Variants in DCP2 observed in about 807,000 individuals in gnomAD.
DCP2 encodes m7GpppN-mRNA hydrolase.
DCP2 carries 30 observed loss-of-function variants against 56.1 expected under a neutral mutation model. The ratio of observed to expected loss-of-function variants is 0.53; its 90% CI spans 0.40 to 0.73. DCP2 has a LOEUF of 0.73. Among genes scored for constraint, DCP2 ranks in the 30% least tolerant of loss-of-function variants. The pLI, the probability that DCP2 is intolerant of heterozygous loss-of-function variation, is 0.00. For missense variants in DCP2, 533 were observed against 502.7 expected, an observed-to-expected ratio of 1.06 and a Z score of -0.58; for synonymous variants, 197 against 163.3, an observed-to-expected ratio of 1.21 and a Z score of -1.57.
At position 112,982,137 on chromosome 5, in the gene DCP2, T is replaced by G. The variant is rs140138205; in HGVS notation, c.54-3698T>G. Among the ~76,000 whole-genome samples, 497 of 152,214 alleles carry G rather than the reference T, an allele frequency of 3.3e-3. 1 individual carries two copies. The highest frequency in any genetic ancestry group is 0.012 in the African/African-American group (485 of 41,498). On this transcript the variant is annotated intron_variant, in intron 1 of 10. Transcript: ENST00000389063. ...AGTTGGCTTTCTGTTCTAACTTTGG[T>G]GTTTTTGCTTCACATTTGGACTATG... is the stretch of plus-strand genomic sequence containing the variant.
rs186355252 is a variant in DCP2 at position 113,018,928 on chromosome 5, C to T, written c.*5444C>T. On this transcript the variant is annotated 3_prime_UTR_variant, in exon 11 of 11. Transcript: ENST00000389063. Reference sequence around the variant, plus strand: ...TGATGTTTGGGTCACCTGTGGACACCTGTGCTCTTTTGAGTCTCAAGGCTT... The same window carrying T: ...TGATGTTTGGGTCACCTGTGGACACTTGTGCTCTTTTGAGTCTCAAGGCTT... 2 of 152,284 alleles carry T rather than the reference C, an allele frequency of 1.3e-5. No individual in the cohort carries two copies. Among genetic ancestry groups the T allele is most frequent in the Admixed American group, 6.5e-5 (1 of 15,292 alleles). The allele number at this position is 152,284 out of a possible 1,614,324, so 9.4% of individuals were successfully genotyped here. A position where few individuals can be genotyped will look rare whatever the true frequency, so the allele number is the denominator to read the frequency against.
At chr5:113,010,683 A>G in intron 9 of DCP2, 73 bp from the exon 10 acceptor site, 1 of 1,394,446 alleles carries the variant, frequency 7.2e-7, no homozygotes. Flanking sequence ...ACATCTTTTG[A>G]TTTTTAATAA....
At chr5:113,000,179 A>G (rs576495789) in intron 4 of DCP2, among the ~76,000 whole-genome samples, 1 of 152,104 alleles carries the variant, frequency 6.6e-6, no homozygotes, top group African/African-American at 2.4e-5. Context: ...AATGGTCTCG[A>G]ACACCTGGGC....
chr5:112,980,915 G>A (rs979307316), intron 1 of DCP2, among the ~76,000 whole-genome samples: 2 of 151,620 alleles, frequency 1.3e-5, no homozygotes, highest in East Asian at 3.9e-4. Context: ...GTTCAATTTC[G>A]TAGATACTAG....
At chr5:112,987,742 G>T (rs1003730082) in intron 2 of DCP2, among the ~76,000 whole-genome samples, 2 of 149,606 alleles carry the variant, frequency 1.3e-5, no homozygotes, top group African/African-American at 4.9e-5. Context: ...CCAAAGTGCT[G>T]GGATTACAGG....
Position 112,997,134 on chromosome 5 carries a change from A to G in DCP2, c.433-3950A>G, listed in dbSNP as rs563242538. 2.0e-5 allele frequency among the ~76,000 whole-genome samples: 3 copies of G among 152,312 alleles called. No individual in the cohort carries two copies. In the East Asian group the frequency reaches 5.8e-4, roughly 29 times the overall value. ...TTCTCCACATATCTTGAAGGTTAGG[A>G]GAACAACTTAGTTTTGGTTTGGTGA... is the stretch of plus-strand genomic sequence containing the variant. On this transcript the variant is annotated intron_variant, in intron 4 of 10. Transcript: ENST00000389063.
intron 2 of DCP2, among the ~76,000 whole-genome samples, chr5:112,991,693 C>A (rs959413206): frequency 3.3e-5 from 5 of 152,120 alleles, no homozygotes; most frequent in African/African-American, 1.2e-4. Flanking sequence ...CTTGCTATCA[C>A]TTTATATATG....
At chr5:112,984,852 A>C (rs1561685431) in intron 1 of DCP2, among the ~76,000 whole-genome samples, 1 of 151,122 alleles carries the variant, frequency 6.6e-6, no homozygotes, top group Non-Finnish European at 1.5e-5. Flanking sequence ...CTACAGATGC[A>C]TGCCACCATA....
intron 8 of DCP2, among the ~76,000 whole-genome samples, chr5:113,005,961 C>T (rs970300574): frequency 4.0e-5 from 6 of 151,870 alleles, no homozygotes; most frequent in African/African-American, 1.5e-4. Flanking sequence ...GTCTCTACTA[C>T]TAAAAATATA....
intron 4 of DCP2, among the ~76,000 whole-genome samples, chr5:112,996,482 C>A (rs1352447769): frequency 6.6e-6 from 1 of 152,070 alleles, no homozygotes; most frequent in Non-Finnish European, 1.5e-5. Flanking sequence ...TTGCTAATAG[C>A]ATTTTTATTT....
intron 4 of DCP2, among the ~76,000 whole-genome samples, chr5:112,999,672 A>T (rs1380173843): frequency 2.7e-5 from 4 of 147,644 alleles, no homozygotes; most frequent in African/African-American, 5.0e-5. Flanking sequence ...TGTCATCTAG[A>T]CTGGAGTGCA....
At chr5:112,982,015 G>T (rs1212338408) in intron 1 of DCP2, among the ~76,000 whole-genome samples, 2 of 152,166 alleles carry the variant, frequency 1.3e-5, no homozygotes, top group Non-Finnish European at 2.9e-5. Context: ...TGATCCGCCT[G>T]CCATGGCCTC....
intron 2 of DCP2, among the ~76,000 whole-genome samples, chr5:112,986,803 C>T (rs745866542): frequency 2.6e-5 from 4 of 152,004 alleles, no homozygotes; most frequent in Non-Finnish European, 5.9e-5. Flanking sequence ...AGTTTGAGAC[C>T]GGCCTGGGCA....
intron 1 of DCP2, chr5:112,984,153 C>T (rs993574118): frequency 9.9e-5 from 15 of 152,052 alleles, no homozygotes; most frequent in African/African-American, 3.4e-4. Flanking sequence ...CAGACTAGAA[C>T]AGATCAGAAG....
At position 112,988,049 on chromosome 5, in the gene DCP2, C is replaced by G. The variant is rs538634857; in HGVS notation, c.205+2063C>G. Among the ~76,000 whole-genome samples, 23 of 152,226 alleles carry G rather than the reference C, an allele frequency of 1.5e-4. No homozygotes were observed. In the South Asian group the frequency reaches 4.4e-3, roughly 29 times the overall value. ...TACCCTCATTCTCAGCTACCTATCA[C>G]TTTCCTTTAGCCTCATGAAGTATGG... On this transcript the variant is annotated intron_variant, in intron 2 of 10. Coordinates refer to ENST00000389063, the MANE Select transcript of DCP2 (RefSeq NM_152624.6).
At chr5:112,978,669 T>C (rs1270838367) in intron 1 of DCP2, among the ~76,000 whole-genome samples, 1 of 149,236 alleles carries the variant, frequency 6.7e-6, no homozygotes, top group African/African-American at 2.5e-5. Flanking sequence ...AGGCATTTAG[T>C]TTCTTGTCCC....
At chr5:112,985,743 G>A in intron 1 of DCP2, 92 bp from the exon 2 acceptor site, 1 of 1,436,272 alleles carries the variant, frequency 7.0e-7, no homozygotes. Flanking sequence ...CCTTTTCTCA[G>A]TTGGTGGGTC....
intron 4 of DCP2, among the ~76,000 whole-genome samples, chr5:112,998,488 C>T (rs1748968421): frequency 6.6e-6 from 1 of 152,152 alleles, no homozygotes; most frequent in East Asian, 1.9e-4. Context: ...AAAATTTTTT[C>T]TGTTGTAGAC....
chr5:113,006,219 T>C (rs1749431684), intron 8 of DCP2, among the ~76,000 whole-genome samples: 1 of 151,462 alleles, frequency 6.6e-6, no homozygotes, highest in African/African-American at 2.4e-5. Flanking sequence ...AGGATAAATA[T>C]CGTATTAATG....
Sources: gnomAD v4.1 joint callset for allele counts (sites outside exome capture counted in the v4.1 genomes callset) on GRCh38, gnomAD v4.1.1 for gene constraint, MANE v1.5 for transcripts, NCBI Gene and HGNC (gene_info 2026-07-23, HGNC 2026-07-21) for gene names.